HYAL4: variants seen among roughly 807,000 people sequenced by gnomAD.
HYAL4 encodes hyaluronidase 4.
A neutral mutation model predicts 35.2 loss-of-function variants in HYAL4; 37 were observed. The ratio of observed to expected loss-of-function variants is 1.05; its 90% CI spans 0.81 to 1.38. The LOEUF (loss-of-function observed/expected upper bound fraction) is 1.38, where lower values mean the gene tolerates loss of function less well. HYAL4 is among the 40% of genes most tolerant of loss of function. The pLI, the probability that HYAL4 is intolerant of heterozygous loss-of-function variation, is 0.00. For missense variants in HYAL4, 572 were observed against 572.4 expected (o/e 1.00, Z 0.01); for synonymous variants, 198 against 203.2 (o/e 0.97, Z 0.22).
At chr7:123,766,638 A>G in the HYAL4 span, among the ~76,000 whole-genome samples, 1 of 152,180 alleles carries the variant, frequency 6.6e-6, no homozygotes, top group Non-Finnish European at 1.5e-5. Flanking sequence ...TTATTTGATT[A>G]TAAAACTATT....
chr7:123,801,243 A>G, the HYAL4 span, among the ~76,000 whole-genome samples: 1 of 152,176 alleles, frequency 6.6e-6, no homozygotes. Flanking sequence ...TTATTGAGGC[A>G]GTTAAATAAA....
intron 3 of HYAL4, among the ~76,000 whole-genome samples, chr7:123,869,953 G>A (rs1293260591): frequency 6.6e-6 from 1 of 151,834 alleles, no homozygotes. Context: ...GCCTCCCAAA[G>A]TGCTGAGATT....
chr7:123,842,850 G>C (rs1806096226), upstream of HYAL4, among the ~76,000 whole-genome samples: 1 of 151,734 alleles, frequency 6.6e-6, no homozygotes, highest in Admixed American at 6.6e-5. Context: ...CCTTTTGCTT[G>C]GTAGATCCTC....
At chr7:123,835,449 G>C (rs865804917) in intron 1 of HYAL4, among the ~76,000 whole-genome samples, 1 of 151,992 alleles carries the variant, frequency 6.6e-6, no homozygotes, top group African/African-American at 2.4e-5. Flanking sequence ...GTTTCTAATT[G>C]AGCTTATTTG....
chr7:123,779,915 AAC>A, the HYAL4 span, among the ~76,000 whole-genome samples: 2 of 152,204 alleles, frequency 1.3e-5, no homozygotes, highest in South Asian at 2.1e-4. Flanking sequence ...TAAAAAAATA[AAC>A]ACATCAAATA....
the HYAL4 span, among the ~76,000 whole-genome samples, chr7:123,818,714 A>T: frequency 1.3e-5 from 2 of 152,232 alleles, no homozygotes; most frequent in South Asian, 4.1e-4. Flanking sequence ...AGGCAGTATC[A>T]CCTTTTCCAA....
intron 1 of HYAL4, among the ~76,000 whole-genome samples, chr7:123,835,850 G>A (rs1584909116): frequency 6.6e-6 from 1 of 152,038 alleles, no homozygotes; most frequent in Non-Finnish European, 1.5e-5. Context: ...GATCATTCAG[G>A]AGCAGGTTTA....
chr7:123,839,478 A>G (rs1806018742), intron 1 of HYAL4, among the ~76,000 whole-genome samples: 1 of 152,228 alleles, frequency 6.6e-6, no homozygotes, highest in Non-Finnish European at 1.5e-5. Context: ...AGCATGATTT[A>G]TAATCCTTTG....
At chr7:123,856,542 G>T (rs954083544) in intron 2 of HYAL4, among the ~76,000 whole-genome samples, 2 of 152,170 alleles carry the variant, frequency 1.3e-5, no homozygotes, top group African/African-American at 4.8e-5. Flanking sequence ...AGCAAAGATT[G>T]CTGCCTGCTC....
chr7:123,795,424 C>T, the HYAL4 span, among the ~76,000 whole-genome samples: 1 of 152,138 alleles, frequency 6.6e-6, no homozygotes, highest in Non-Finnish European at 1.5e-5. Flanking sequence ...TTGGCTGTGT[C>T]CTCATCCAAA....
the HYAL4 span, among the ~76,000 whole-genome samples, chr7:123,777,834 A>G: frequency 8.6e-4 from 131 of 152,200 alleles, 1 homozygote; most frequent in Non-Finnish European, 1.4e-3. Flanking sequence ...TTTTAATTCC[A>G]TCATGAGTTT....
the HYAL4 span, among the ~76,000 whole-genome samples, chr7:123,791,726 C>T: frequency 6.6e-6 from 1 of 152,200 alleles, no homozygotes; most frequent in South Asian, 2.1e-4. Context: ...GTTTCTTTGC[C>T]ATGCACTGGA....
At chr7:123,798,696 A>G in the HYAL4 span, among the ~76,000 whole-genome samples, 3 of 152,178 alleles carry the variant, frequency 2.0e-5, no homozygotes, top group Non-Finnish European at 4.4e-5. Context: ...AGTTCTGACT[A>G]ATAGAATGTT....
chr7:123,828,248 GTATGT>G (rs1805828520), upstream of HYAL4, among the ~76,000 whole-genome samples: 3 of 152,014 alleles, frequency 2.0e-5, no homozygotes, highest in Admixed American at 2.0e-4. Flanking sequence ...GACAAGTAAA[GTATGT>G]TATATTTATA....
the HYAL4 span, among the ~76,000 whole-genome samples, chr7:123,770,722 T>G: frequency 6.6e-6 from 1 of 151,874 alleles, no homozygotes; most frequent in Non-Finnish European, 1.5e-5. Context: ...TAGGAAGTAG[T>G]AGAGATTTTG....
At chr7:123,857,665 G>GTTTCTTTC (rs71163707) in intron 2 of HYAL4, among the ~76,000 whole-genome samples, 29,240 of 95,306 alleles carry the variant, frequency 0.31, 3,170 homozygotes, top group Non-Finnish European at 0.33. Context: ...TTCTTTCTTT[G>GTTTCTTTC]TTTGTTTCTT....
chr7:123,796,757 A>T, the HYAL4 span, among the ~76,000 whole-genome samples: 1 of 152,230 alleles, frequency 6.6e-6, no homozygotes, highest in Non-Finnish European at 1.5e-5. Context: ...TTCAGCCATG[A>T]AAAAGAATGA....
At chr7:123,793,365 CTG>C in the HYAL4 span, among the ~76,000 whole-genome samples, 1 of 152,184 alleles carries the variant, frequency 6.6e-6, no homozygotes, top group South Asian at 2.1e-4. Flanking sequence ...GTGATAAAAT[CTG>C]AGACCCAAAG....
chr7:123,836,637 A>G (rs1191373858), intron 1 of HYAL4, among the ~76,000 whole-genome samples: 7 of 56,106 alleles, frequency 1.2e-4, no homozygotes, highest in Admixed American at 5.6e-4. Flanking sequence ...TGTTGCCTGT[A>G]TATCTTTTTT....
Sources: gnomAD v4.1 joint callset for allele counts (sites outside exome capture counted in the v4.1 genomes callset) on GRCh38, gnomAD v4.1.1 for gene constraint, MANE v1.5 for transcripts, NCBI Gene and HGNC (gene_info 2026-07-23, HGNC 2026-07-21) for gene names.